SLC8A1: variants seen among roughly 807,000 people sequenced by gnomAD.
The protein encoded by SLC8A1 is sodium/calcium exchanger 1.
Under a neutral mutation model 68.3 loss-of-function variants are expected in SLC8A1, and 18 were observed. The ratio of observed to expected loss-of-function variants is 0.26; its 90% CI spans 0.18 to 0.39. SLC8A1 has a LOEUF of 0.39. SLC8A1 is among the 10% of genes least tolerant of loss of function. The pLI is 1.00. For synonymous variants in SLC8A1, 475 were observed against 415.5 expected (o/e 1.14, Z -1.74); for missense variants, 985 against 1,156.7 (o/e 0.85, Z 2.15).
intron 2 of SLC8A1, among the ~76,000 whole-genome samples, chr2:40,401,248 C>T (rs1332417198): frequency 3.9e-5 from 6 of 152,184 alleles, no homozygotes; most frequent in Non-Finnish European, 8.8e-5. Context: ...CAGAACCCTA[C>T]ACTTCGGAGA....
intron 2 of SLC8A1, among the ~76,000 whole-genome samples, chr2:40,417,231 C>T (rs943522555): frequency 2.0e-5 from 3 of 151,914 alleles, no homozygotes; most frequent in African/African-American, 7.3e-5. Flanking sequence ...AACTGCATGT[C>T]ATGGGGGTTT....
chr2:40,361,579 C>T (rs1458870745), intron 2 of SLC8A1, among the ~76,000 whole-genome samples: 3 of 151,776 alleles, frequency 2.0e-5, no homozygotes, highest in Admixed American at 1.3e-4. Context: ...TCAAGACAAT[C>T]TGAAGTGCAA....
At chr2:40,136,682 A>G (rs1023652765) in intron 7 of SLC8A1, among the ~76,000 whole-genome samples, 2 of 152,184 alleles carry the variant, frequency 1.3e-5, no homozygotes, top group Non-Finnish European at 2.9e-5. Context: ...GCCTGTAGCA[A>G]CTGGGCTTTG....
In SLC8A1 at chr2:40,476,965, A is replaced by G. The variant is rs1479209569; in HGVS notation, c.-25+35384T>C. 2.6e-5 allele frequency among the ~76,000 whole-genome samples: 4 copies of G among 152,214 alleles called. No homozygotes were observed. In the East Asian group the frequency reaches 5.8e-4, roughly 22 times the overall value. ...TTTGAAGCAGTGAGTGAATCAGTAA[A>G]TCAATGAATAAGAGTTATTGGATTT... On this transcript the variant is annotated intron_variant, in intron 1 of 7. Coordinates refer to the SLC8A1 transcript ENST00000402441.
rs1480118061 is a variant in SLC8A1, at chr2:40,385,229, C to T, written c.1808+43244G>A. Among the ~76,000 whole-genome samples, 3 of 151,962 alleles carry T rather than the reference C, an allele frequency of 2.0e-5. No individual in the cohort carries two copies. In the South Asian group the frequency reaches 6.2e-4, roughly 31 times the overall value. ...AAATAGAAGATGCAATAGGAATAAT[C>T]CTAGTCTCGAGGAGGAAACTCCTTT... On this transcript the variant is annotated intron_variant, in intron 2 of 7. Coordinates refer to ENST00000406785, the Ensembl canonical transcript of SLC8A1.
chr2:40,362,945 C>G (rs1472465777), intron 2 of SLC8A1, among the ~76,000 whole-genome samples: 1 of 152,104 alleles, frequency 6.6e-6, no homozygotes, highest in Non-Finnish European at 1.5e-5. Context: ...TACAGTTTAT[C>G]TAGCCCCTTA....
chr2:40,184,412 A>T (rs1189256701), intron 2 of SLC8A1, among the ~76,000 whole-genome samples: 1 of 152,080 alleles, frequency 6.6e-6, no homozygotes, highest in Non-Finnish European at 1.5e-5. Flanking sequence ...TCTTTTCTGG[A>T]TTATAAAATG....
rs553443405 is a variant in SLC8A1, at chr2:40,160,944, C to T, written c.2062-80G>A. The T allele has an allele frequency of 5.0e-5, 50 of 993,948 alleles. No individual in the cohort carries two copies. The South Asian group carries it at 5.2e-4, about 10-fold the overall frequency. The allele number at this position is 993,948 out of a possible 1,614,324, so 61.6% of individuals were successfully genotyped here. A position where few individuals can be genotyped will look rare whatever the true frequency, so the allele number is the denominator to read the frequency against. On this transcript the variant is annotated intron_variant, in intron 5 of 7. Transcript: ENST00000406785. ...ATCCAAGACCTTGTTGATTTTGAAA[C>T]TCCAGAGTTATATAAAGGGTAGCAG...
At position 40,347,197 on chromosome 2, in the gene SLC8A1, C is replaced by T. The variant is rs529678977; in HGVS notation, c.1808+81276G>A. Among the ~76,000 whole-genome samples, 3 of 152,284 alleles carry T rather than the reference C, an allele frequency of 2.0e-5. No individual in the cohort carries two copies. In the South Asian group the frequency reaches 6.2e-4, roughly 32 times the overall value. Reference sequence around the variant, plus strand: ...TCGCCCAGGCTAGACTGCAGTGGTGCAATCATAGCTCACTGCAGCCCCAAA... The same window carrying T: ...TCGCCCAGGCTAGACTGCAGTGGTGTAATCATAGCTCACTGCAGCCCCAAA... On this transcript the variant is annotated intron_variant, in intron 2 of 7. Coordinates refer to ENST00000406785, the Ensembl canonical transcript of SLC8A1.
At chr2:40,485,998 A>G (rs1409642266) in intron 1 of SLC8A1, among the ~76,000 whole-genome samples, 1 of 152,206 alleles carries the variant, frequency 6.6e-6, no homozygotes, top group Non-Finnish European at 1.5e-5. Flanking sequence ...TGTAGTTCTC[A>G]TAATGGCCGC....
intron 2 of SLC8A1, among the ~76,000 whole-genome samples, chr2:40,339,797 A>G (rs948262790): frequency 2.6e-5 from 4 of 152,244 alleles, no homozygotes. Context: ...ATGGATGGAT[A>G]GAAAGACAGA....
chr2:40,321,619 C>T (rs1220416518), intron 2 of SLC8A1, among the ~76,000 whole-genome samples: 1 of 152,078 alleles, frequency 6.6e-6, no homozygotes, highest in East Asian at 1.9e-4. Context: ...GCAAATACAT[C>T]CTTCTTCACA....
At chr2:40,183,149 T>A (rs1189495846) in intron 2 of SLC8A1, among the ~76,000 whole-genome samples, 1 of 152,144 alleles carries the variant, frequency 6.6e-6, no homozygotes, top group Non-Finnish European at 1.5e-5. Flanking sequence ...AAACAATGAC[T>A]CTCAGAGAAG....
At position 40,476,411 on chromosome 2, in the gene SLC8A1, C is replaced by A. The variant is rs147365744; in HGVS notation, c.-25+35938G>T. On this transcript the variant is annotated intron_variant, in intron 1 of 7. Transcript: ENST00000402441. Reference sequence around the variant, plus strand: ...AGTCTTAGCCTTCAGCTGGGAAAGACTGAAAATAAACAAAGATATATTTCT... The same window carrying A: ...AGTCTTAGCCTTCAGCTGGGAAAGAATGAAAATAAACAAAGATATATTTCT... 8.1e-3 allele frequency among the ~76,000 whole-genome samples: 1,233 copies of A among 152,094 alleles called. 19 individuals carry two copies. The highest frequency in any genetic ancestry group is 0.029 in the African/African-American group (1,187 of 41,466).
intron 7 of SLC8A1, among the ~76,000 whole-genome samples, chr2:40,128,803 G>C (rs914096153): frequency 1.3e-5 from 2 of 152,170 alleles, no homozygotes; most frequent in Non-Finnish European, 2.9e-5. Context: ...TATATAGAGA[G>C]AGATTCTGTG....
intron 6 of SLC8A1, among the ~76,000 whole-genome samples, chr2:40,150,541 T>G (rs2148370872): frequency 6.6e-6 from 1 of 152,324 alleles, no homozygotes; most frequent in South Asian, 2.1e-4. Flanking sequence ...CAGCAGCCCA[T>G]GCCAACAAAA....
At chr2:40,185,160 G>C (rs1029432696) in intron 2 of SLC8A1, among the ~76,000 whole-genome samples, 14 of 152,170 alleles carry the variant, frequency 9.2e-5, no homozygotes, top group Admixed American at 9.2e-4. Context: ...GCTGCTAATA[G>C]GAATGTAAAA....
intron 2 of SLC8A1, among the ~76,000 whole-genome samples, chr2:40,385,501 G>A (rs72798644): frequency 0.024 from 1,770 of 73,360 alleles, 26 homozygotes; most frequent in Non-Finnish European, 0.03. Context: ...TATAGGTGAG[G>A]AGATTTATAA....
At chr2:40,413,363 C>T (rs187069136) in intron 2 of SLC8A1, among the ~76,000 whole-genome samples, 7 of 152,152 alleles carry the variant, frequency 4.6e-5, no homozygotes, top group Admixed American at 2.0e-4. Flanking sequence ...AAATGTCCAA[C>T]AATGATAGAC....
Sources: gnomAD v4.1 joint callset for allele counts (sites outside exome capture counted in the v4.1 genomes callset) on GRCh38, gnomAD v4.1.1 for gene constraint, MANE v1.5 for transcripts, NCBI Gene and HGNC (gene_info 2026-07-23, HGNC 2026-07-21) for gene names.